Variants in TATDN1 observed in about 807,000 individuals in gnomAD.
TATDN1 encodes the protein deoxyribonuclease TATDN1.
Under a neutral mutation model 46.4 loss-of-function variants are expected in TATDN1, and 40 were observed. The observed-to-expected ratio is 0.86, with a 90% CI of 0.67 to 1.12. The LOEUF (loss-of-function observed/expected upper bound fraction) is 1.12, where lower values mean the gene tolerates loss of function less well. Ranked by LOEUF, TATDN1 falls within the 50% of genes most tolerant of loss-of-function variation. The pLI is 0.00. For synonymous variants in TATDN1, 95 were observed against 105.6 expected (o/e 0.90, Z 0.62); for missense variants, 326 against 348.4 (o/e 0.94, Z 0.51).
Position 124,488,631 on chromosome 8 carries a change from T to C in TATDN1, c.857A>G (p.Tyr286Cys), listed in dbSNP as rs200212435. 1.1e-5 allele frequency: 17 copies of C among 1,594,278 alleles called. No individual in the cohort carries two copies. The highest frequency in any genetic ancestry group is 1.7e-5 in the Admixed American group (1 of 59,744). Residue 286 changes from tyrosine (Y) to cysteine (C), a missense_variant, in exon 12 of 12, where the codon TAT becomes TGT. Coordinates refer to ENST00000276692, the MANE Select transcript of TATDN1 (RefSeq NM_032026.4). ...EDPLELANTL[Y>C]NNTIKVFFPG... is the part of the protein sequence containing the mutation. ...AAAAAATACTTTAATAGTATTGTTATATAGTGTATTGGCTAATTCCAGTGG... is the reference window on the plus strand; with the variant it reads ...AAAAAATACTTTAATAGTATTGTTACATAGTGTATTGGCTAATTCCAGTGG...
chr8:124,522,759 T>G (rs1820159519), intron 2 of TATDN1, among the ~76,000 whole-genome samples, 178 bp downstream of exon 2: 1 of 152,180 alleles, frequency 6.6e-6, no homozygotes, highest in Admixed American at 6.5e-5. Context: ...CGGATTATGT[T>G]GCCCAGGCTG....
intron 1 of TATDN1, among the ~76,000 whole-genome samples, chr8:124,534,391 C>T (rs1356436805): frequency 6.6e-6 from 1 of 152,174 alleles, no homozygotes; most frequent in African/African-American, 2.4e-5. Context: ...TACTGTCTAT[C>T]ACCTGCTTTT....
intron 4 of TATDN1, among the ~76,000 whole-genome samples, chr8:124,517,084 T>C (rs1439977500): frequency 6.6e-6 from 1 of 152,212 alleles, no homozygotes. Flanking sequence ...TAAAATGTTC[T>C]TATATATTTC....
intron 11 of TATDN1, 69 bp downstream of exon 11, chr8:124,493,764 C>A: frequency 6.6e-7 from 1 of 1,519,260 alleles, no homozygotes; most frequent in Non-Finnish European, 8.8e-7. Flanking sequence ...CTGTCCCTTG[C>A]GTTAATTTTA....
Position 124,515,801 on chromosome 8 carries a change from A to G in TATDN1, c.347-13T>C, listed in dbSNP as rs1563670908. ...AGTCGGTCAAAATCTTTAAAAAGATAAAGAAGAATAATTACTCCTAACTTA... is the reference window on the plus strand; with the variant it reads ...AGTCGGTCAAAATCTTTAAAAAGATGAAGAAGAATAATTACTCCTAACTTA... On this transcript the variant is annotated splice_polypyrimidine_tract_variant and intron_variant, in intron 5 of 11. Transcript: ENST00000276692. The G allele has an allele frequency of 5.0e-6, 8 of 1,613,718 alleles. No individual in the cohort carries two copies. The East Asian group carries it at 1.8e-4, about 36-fold the overall frequency.
chr8:124,493,751 A>G, intron 11 of TATDN1, 82 bp downstream of exon 11: 2 of 1,495,082 alleles, frequency 1.3e-6, no homozygotes, highest in Non-Finnish European at 8.9e-7. Flanking sequence ...CAAAATTTTA[A>G]TTCTGTCCCT....
Position 124,513,756 on chromosome 8 carries a change from G to A in TATDN1, c.389+1990C>T, listed in dbSNP as rs74593508. ...AAGTCATATGGGCAAAAAAACACGG[G>A]GACTCTGCCATTGCCCTTGCTTGTC... On this transcript the variant is annotated intron_variant, in intron 6 of 11. Transcript: ENST00000276692. 3.6e-4 allele frequency among the ~76,000 whole-genome samples: 55 copies of A among 152,230 alleles called. No individual in the cohort carries two copies. In the East Asian group the frequency reaches 0.01, roughly 29 times the overall value.
rs375031994 is a variant in TATDN1 at position 124,504,266 on chromosome 8, C to A, written c.593+5G>T. On this transcript the variant is annotated splice_donor_5th_base_variant and intron_variant, in intron 9 of 11. Transcript: ENST00000276692. ...GTTAAAAACCAAAGCAACCTAAGAACGTACCAACCATTAAATCCTATATAA... is the reference window on the plus strand; with the variant it reads ...GTTAAAAACCAAAGCAACCTAAGAAAGTACCAACCATTAAATCCTATATAA... The A allele has an allele frequency of 3.8e-6, 6 of 1,590,728 alleles. No individual in the cohort carries two copies. The East Asian group carries it at 1.1e-4, about 30-fold the overall frequency.
intron 1 of TATDN1, among the ~76,000 whole-genome samples, chr8:124,527,680 C>T (rs1820618652): frequency 1.3e-5 from 2 of 151,810 alleles, no homozygotes; most frequent in Admixed American, 1.3e-4. Flanking sequence ...CAGGGGGGTG[C>T]TTAGAAATTT....
chr8:124,527,156 G>A (rs569669937), intron 1 of TATDN1, among the ~76,000 whole-genome samples: 79 of 152,306 alleles, frequency 5.2e-4, no homozygotes, highest in African/African-American at 1.8e-3. Context: ...GCTGGCTAAC[G>A]TACATATTTA....
At chr8:124,502,138 T>C (rs753149516) in intron 9 of TATDN1, among the ~76,000 whole-genome samples, 13 of 152,014 alleles carry the variant, frequency 8.6e-5, no homozygotes, top group Admixed American at 4.6e-4. Context: ...GTCGAGACCA[T>C]CCCGGCTAAC....
chr8:124,526,789 C>T (rs991967047), intron 1 of TATDN1: 1 of 152,168 alleles, frequency 6.6e-6, no homozygotes, highest in Non-Finnish European at 1.5e-5. Context: ...AGTTATTGGG[C>T]TCACTGAATC....
intron 6 of TATDN1, among the ~76,000 whole-genome samples, chr8:124,511,456 C>A (rs779814761): frequency 6.6e-6 from 1 of 152,150 alleles, no homozygotes; most frequent in Non-Finnish European, 1.5e-5. Context: ...AAGACCTGCA[C>A]AGTGTTAACA....
intron 2 of TATDN1, 86 bp downstream of exon 2, chr8:124,522,851 A>G: frequency 8.6e-7 from 1 of 1,161,020 alleles, no homozygotes; most frequent in Admixed American, 1.7e-5. Flanking sequence ...CACAAGACTC[A>G]GCTTGAATTA....
intron 4 of TATDN1, among the ~76,000 whole-genome samples, chr8:124,517,958 T>C (rs780712507): frequency 7.8e-4 from 119 of 152,218 alleles, no homozygotes; most frequent in Non-Finnish European, 1.4e-3. Flanking sequence ...ACGCCTGTAA[T>C]CCCAGCGCTT....
intron 8 of TATDN1, among the ~76,000 whole-genome samples, chr8:124,504,885 T>C (rs1333796352): frequency 1.3e-5 from 2 of 151,286 alleles, no homozygotes; most frequent in East Asian, 2.0e-4. Flanking sequence ...TAGCTGGGAT[T>C]ACAAGCATGC....
chr8:124,520,942 CAAAAAAAAA>C (rs1162309758), intron 3 of TATDN1, among the ~76,000 whole-genome samples: 4 of 82,254 alleles, frequency 4.9e-5, no homozygotes, highest in African/African-American at 1.3e-4. Context: ...GACTCCGTCT[CAAAAAAAAA>C]AAAAAAAAAA....
intron 6 of TATDN1, among the ~76,000 whole-genome samples, chr8:124,509,283 G>T (rs1797367886): frequency 6.6e-6 from 1 of 152,182 alleles, no homozygotes; most frequent in Admixed American, 6.5e-5. Context: ...GAGTATAAAA[G>T]CTGGTGTCAG....
At chr8:124,488,777 A>G (rs1816637901) in intron 11 of TATDN1, 81 bp from the exon 12 acceptor site, 1 of 843,862 alleles carries the variant, frequency 1.2e-6, no homozygotes, top group South Asian at 1.5e-5. Context: ...TTTCCACACA[A>G]AGGAAAATAT....
Sources: gnomAD v4.1 joint callset for allele counts (sites outside exome capture counted in the v4.1 genomes callset) on GRCh38, gnomAD v4.1.1 for gene constraint, MANE v1.5 for transcripts, NCBI Gene and HGNC (gene_info 2026-07-23, HGNC 2026-07-21) for gene names.